The following NCAPD3 variants were observed in gnomAD, a reference collection of about 807,000 sequenced individuals.
NCAPD3 encodes the protein non-SMC condensin II complex subunit D3, also known as condensin-2 complex subunit D3.
NCAPD3 carries 105 observed loss-of-function variants against 182.9 expected under a neutral mutation model. The ratio of observed to expected loss-of-function variants is 0.57; its 90% CI spans 0.49 to 0.68. NCAPD3 has a LOEUF of 0.68. Ranked by LOEUF, NCAPD3 falls within the 30% of genes least tolerant of loss-of-function variation. The pLI is 0.00. For missense variants in NCAPD3, 1,944 were observed against 1,837.0 expected (o/e 1.06, Z -1.07); for synonymous variants, 815 against 679.9 (o/e 1.20, Z -3.09).
intron 16 of NCAPD3, among the ~76,000 whole-genome samples, chr11:134,188,260 G>C (rs890466854): frequency 1.3e-5 from 2 of 150,932 alleles, no homozygotes; most frequent in Admixed American, 6.6e-5. Flanking sequence ...GATTGTAAAT[G>C]TACCAATCAG....
chr11:134,165,832 G>A (rs1402944194), intron 27 of NCAPD3, among the ~76,000 whole-genome samples: 3 of 146,294 alleles, frequency 2.1e-5, no homozygotes, highest in Non-Finnish European at 4.5e-5. Context: ...GCTTGGGGGA[G>A]GCGCACACTC....
At chr11:134,206,330 C>T (rs1333044383) in intron 8 of NCAPD3, among the ~76,000 whole-genome samples, 1 of 152,196 alleles carries the variant, frequency 6.6e-6, no homozygotes, top group African/African-American at 2.4e-5. Flanking sequence ...CTCTCTGAGG[C>T]TGACCCACAT....
intron 3 of NCAPD3, among the ~76,000 whole-genome samples, chr11:134,212,375 T>TTGTG (rs56807520): frequency 0.045 from 6,378 of 143,188 alleles, 265 homozygotes; most frequent in Admixed American, 0.12. Flanking sequence ...TTTTGTTGTT[T>TTGTG]TGTGTGTGTG....
intron 24 of NCAPD3, among the ~76,000 whole-genome samples, chr11:134,172,905 T>C (rs1591834104): frequency 7.3e-6 from 1 of 136,356 alleles, no homozygotes; most frequent in Non-Finnish European, 1.5e-5. Flanking sequence ...GGTGGGAGGG[T>C]CACATGAACT....
chr11:134,167,684 G>A (rs1943888954), intron 27 of NCAPD3, among the ~76,000 whole-genome samples: 3 of 136,308 alleles, frequency 2.2e-5, no homozygotes, highest in African/African-American at 8.3e-5. Context: ...GATGAGCTTG[G>A]GGGAGGGGCA....
intron 8 of NCAPD3, 87 bp downstream of exon 8, chr11:134,206,512 A>C: frequency 1.3e-6 from 2 of 1,529,728 alleles, no homozygotes; most frequent in East Asian, 2.3e-5. Context: ...AGAAATTTTA[A>C]GTCTACATGT....
rs1944777709 is a variant in NCAPD3 at position 134,202,838 on chromosome 11, ACTG to A, written c.1590_1592del (p.Ser531del). 1 of 1,608,054 alleles carries A rather than the reference ACTG, an allele frequency of 6.2e-7. No homozygotes were observed. Among genetic ancestry groups the A allele is most frequent in the Non-Finnish European group, 8.5e-7 (1 of 1,178,154 alleles). On this transcript the variant is annotated inframe_deletion, in exon 13 of 35. Coordinates refer to ENST00000534548, the MANE Select transcript of NCAPD3 (RefSeq NM_015261.3). ...TACCTCCAGATCCAACTGTTTCACC[ACTG>A]CTGTCTATGTTGATCTCCCCTGAGG...
chr11:134,168,347 CA>C (rs1943919984), intron 26 of NCAPD3, 121 bp downstream of exon 26: 1 of 1,512,542 alleles, frequency 6.6e-7, no homozygotes, highest in Middle Eastern at 1.7e-4. Context: ...CAGAGAAGGA[CA>C]AGATGACAGG....
chr11:134,180,514 C>T (rs937946009), intron 20 of NCAPD3, among the ~76,000 whole-genome samples: 2 of 152,164 alleles, frequency 1.3e-5, no homozygotes, highest in African/African-American at 4.8e-5. Flanking sequence ...CCCGTCCTGG[C>T]TCACGGGAAT....
chr11:134,166,677 TG>T (rs1253142439), intron 27 of NCAPD3, among the ~76,000 whole-genome samples: 1 of 85,020 alleles, frequency 1.2e-5, no homozygotes, highest in Non-Finnish European at 2.2e-5. Context: ...GAGATGAGCT[TG>T]GGGGAGGGGC....
chr11:134,225,111 C>T, upstream of NCAPD3: 2 of 1,591,504 alleles, frequency 1.3e-6, no homozygotes, highest in South Asian at 1.1e-5. Flanking sequence ...ACCCGCCCGG[C>T]CCGGCGGTGC....
intron 27 of NCAPD3, among the ~76,000 whole-genome samples, chr11:134,166,905 G>A (rs1458753769): frequency 7.4e-6 from 1 of 134,976 alleles, no homozygotes; most frequent in South Asian, 2.5e-4. Flanking sequence ...TGAGCTTGGG[G>A]GAGGCGCACA....
chr11:134,192,551 A>C, intron 16 of NCAPD3, 138 bp downstream of exon 16: 1 of 705,972 alleles, frequency 1.4e-6, no homozygotes, highest in South Asian at 1.9e-5. Context: ...AGTCAGGGAA[A>C]GAGAGACCAA....
chr11:134,212,908 G>A (rs1006418526), intron 3 of NCAPD3, among the ~76,000 whole-genome samples: 1 of 152,088 alleles, frequency 6.6e-6, no homozygotes, highest in Non-Finnish European at 1.5e-5. Flanking sequence ...GCAAAAAACA[G>A]GTTTAAAGAA....
chr11:134,194,847 CT>C, intron 13 of NCAPD3, 109 bp from the exon 14 acceptor site: 1 of 640,896 alleles, frequency 1.6e-6, no homozygotes, highest in Non-Finnish European at 2.6e-6. Flanking sequence ...GACTCATTAG[CT>C]TGTTTTAAAT....
intron 24 of NCAPD3, among the ~76,000 whole-genome samples, chr11:134,175,382 G>T (rs1944137361): frequency 6.6e-6 from 1 of 152,206 alleles, no homozygotes. Flanking sequence ...CTAAAAAAAG[G>T]TGACAGCCTT....
chr11:134,207,805 T>C (rs1478226615), intron 7 of NCAPD3, among the ~76,000 whole-genome samples: 1 of 151,562 alleles, frequency 6.6e-6, no homozygotes, highest in Non-Finnish European at 1.5e-5. Context: ...AGGGATGAAT[T>C]TTCCCACCTA....
intron 13 of NCAPD3, 64 bp from the exon 14 acceptor site, chr11:134,194,802 AC>A: frequency 1.9e-6 from 2 of 1,053,010 alleles, no homozygotes; most frequent in Non-Finnish European, 2.9e-6. Flanking sequence ...CTAACATTTC[AC>A]CACACAATAC....
chr11:134,160,245 G>C (rs1415384571), intron 28 of NCAPD3, among the ~76,000 whole-genome samples, 171 bp from the exon 29 acceptor site: 1 of 152,168 alleles, frequency 6.6e-6, no homozygotes, highest in African/African-American at 2.4e-5. Context: ...CATGTTGCTT[G>C]ATAAATCATA....
Sources: allele counts gnomAD v4.1 joint callset (sites outside exome capture counted in the v4.1 genomes callset), GRCh38; gene constraint gnomAD v4.1.1; transcripts MANE v1.5; gene names NCBI Gene and HGNC (gene_info 2026-07-23, HGNC 2026-07-21).